The following MYOF variants were observed in gnomAD, a reference collection of about 807,000 sequenced individuals.
MYOF encodes the protein myoferlin.
Under a neutral mutation model 284.2 loss-of-function variants are expected in MYOF, and 244 were observed. That is an observed-to-expected ratio of 0.86 (90% CI 0.77 to 0.95). The LOEUF is 0.95. Ranked by LOEUF, MYOF falls within the 40% of genes least tolerant of loss-of-function variation. The pLI is 0.00. For missense variants in MYOF, 2,496 were observed against 2,560.6 expected (o/e 0.97, Z 0.54); for synonymous variants, 904 against 919.7 (o/e 0.98, Z 0.31).
chr10:93,458,244 T>A (rs960616740), intron 1 of MYOF, among the ~76,000 whole-genome samples: 4 of 152,064 alleles, frequency 2.6e-5, no homozygotes, highest in Non-Finnish European at 5.9e-5. Context: ...TTCCAGCTAC[T>A]CAGGAGGCTG....
At chr10:93,336,145 G>C (rs1442143960) in intron 40 of MYOF, 99 bp from the exon 41 acceptor site, 2 of 1,366,454 alleles carry the variant, frequency 1.5e-6, no homozygotes, top group African/African-American at 2.9e-5. Flanking sequence ...GGTTGTGGAT[G>C]GGGCGACCGG....
At chr10:93,473,605 A>G (rs1305523974) in intron 1 of MYOF, among the ~76,000 whole-genome samples, 1 of 152,218 alleles carries the variant, frequency 6.6e-6, no homozygotes, top group African/African-American at 2.4e-5. Flanking sequence ...CTGGGAAATG[A>G]GGAGAGGGGA....
chr10:93,319,423 G>A (rs1483418390), intron 49 of MYOF, among the ~76,000 whole-genome samples: 1 of 152,152 alleles, frequency 6.6e-6, no homozygotes, highest in Non-Finnish European at 1.5e-5. Flanking sequence ...TTAAGACCAG[G>A]AGGGCCCTGA....
At chr10:93,342,366 G>A (rs148203355) in intron 38 of MYOF, among the ~76,000 whole-genome samples, 9 of 152,178 alleles carry the variant, frequency 5.9e-5, no homozygotes, top group African/African-American at 1.4e-4. Context: ...ACAGATGTGC[G>A]ATGTCTACTG....
intron 1 of MYOF, among the ~76,000 whole-genome samples, chr10:93,480,158 C>CA (rs1233157608): frequency 6.6e-6 from 1 of 151,982 alleles, no homozygotes; most frequent in Non-Finnish European, 1.5e-5. Context: ...TTCAAGAAAA[C>CA]AAAAAATTAA....
At chr10:93,366,760 T>G (rs1322803248) in intron 25 of MYOF, among the ~76,000 whole-genome samples, 1 of 152,192 alleles carries the variant, frequency 6.6e-6, no homozygotes, top group Non-Finnish European at 1.5e-5. Context: ...TAGGACTCAG[T>G]GTTCTCATCT....
intron 36 of MYOF, 25 bp downstream of exon 36, chr10:93,349,783 T>C: frequency 6.2e-7 from 1 of 1,612,440 alleles, no homozygotes; most frequent in Non-Finnish European, 8.5e-7. Context: ...CGCGCATGGG[T>C]GATCACAGAG....
intron 19 of MYOF, among the ~76,000 whole-genome samples, chr10:93,384,406 G>A (rs1329749683): frequency 3.3e-5 from 5 of 152,232 alleles, no homozygotes; most frequent in African/African-American, 7.2e-5. Flanking sequence ...TTGGGAGGCC[G>A]AGGCTGGCGG....
At chr10:93,360,056 G>A (rs1844996489) in intron 28 of MYOF, 78 bp from the exon 29 acceptor site, 5 of 1,537,312 alleles carry the variant, frequency 3.3e-6, no homozygotes, top group African/African-American at 2.7e-5. Context: ...GGAAACATTT[G>A]TTCACTCTCC....
chr10:93,407,737 C>A (rs1425166141), intron 7 of MYOF, among the ~76,000 whole-genome samples: 319 of 94,996 alleles, frequency 3.4e-3, no homozygotes, highest in East Asian at 8.8e-3. Context: ...GACTCTGTCT[C>A]AAAAAAAAAA....
chr10:93,336,094 G>A (rs1420549043), intron 40 of MYOF, 48 bp from the exon 41 acceptor site: 2 of 1,592,736 alleles, frequency 1.3e-6, no homozygotes, highest in African/African-American at 2.7e-5. Flanking sequence ...ATGCAGGTAA[G>A]GTCTAAAATC....
chr10:93,428,769 A>G (rs943540437), intron 4 of MYOF, among the ~76,000 whole-genome samples: 8 of 152,330 alleles, frequency 5.3e-5, no homozygotes, highest in Non-Finnish European at 7.4e-5. Flanking sequence ...TCATAAGAGC[A>G]GCATCTCATG....
chr10:93,312,295 T>G (rs2133714758), intron 51 of MYOF, among the ~76,000 whole-genome samples: 1 of 152,270 alleles, frequency 6.6e-6, no homozygotes, highest in African/African-American at 2.4e-5. Context: ...ATTTATGGCC[T>G]TCTTATTCAA....
At chr10:93,480,391 AAAATTTTTTT>A (rs2057359938) in intron 1 of MYOF, among the ~76,000 whole-genome samples, 1 of 152,056 alleles carries the variant, frequency 6.6e-6, no homozygotes, top group Non-Finnish European at 1.5e-5. Flanking sequence ...CTTATTCAAA[AAAATTTTTTT>A]AAATTTTTTT....
Position 93,336,005 on chromosome 10 carries a change from G to A in MYOF, c.4479C>T (p.Gly1493=). The A allele has an allele frequency of 1.2e-6, 2 of 1,614,040 alleles. No homozygotes were observed. Among genetic ancestry groups the A allele is most frequent in the Non-Finnish European group, 1.7e-6 (2 of 1,179,970 alleles). Residue 1493 remains glycine (G), a synonymous_variant, in exon 41 of 54, where the codon GGC becomes GGT. Coordinates refer to ENST00000359263, the MANE Select transcript of MYOF (RefSeq NM_013451.4). ...CELENVAEFE[G]LTDFSDTFKL... ...TGAACGTATCTGAGAAGTCTGTCAG[G>A]CCCTCAAATTCTGCTACATTTTCTA...
chr10:93,338,009 T>C, intron 39 of MYOF, 96 bp from the exon 40 acceptor site: 1 of 883,660 alleles, frequency 1.1e-6, no homozygotes, highest in Non-Finnish European at 1.9e-6. Flanking sequence ...AGAAATAGGT[T>C]CTTCTGACCC....
chr10:93,394,526 T>A (rs528263076), intron 16 of MYOF, among the ~76,000 whole-genome samples: 1 of 134,288 alleles, frequency 7.4e-6, no homozygotes, highest in South Asian at 2.7e-4. Context: ...AGTGGCGCGA[T>A]CTCGGCTCAC....
At chr10:93,380,423 T>C (rs369090477) in intron 20 of MYOF, among the ~76,000 whole-genome samples, 6 of 152,206 alleles carry the variant, frequency 3.9e-5, no homozygotes, top group African/African-American at 1.4e-4. Context: ...GCTGGCTACA[T>C]AGGGTTTGGT....
At chr10:93,426,034 C>T in intron 5 of MYOF, 37 bp downstream of exon 5, 1 of 1,542,266 alleles carries the variant, frequency 6.5e-7, no homozygotes, top group Non-Finnish European at 8.8e-7. Flanking sequence ...GCAGCCTCCC[C>T]CTGGGGGTGG....
Sources: gnomAD v4.1 joint callset for allele counts (sites outside exome capture counted in the v4.1 genomes callset) on GRCh38, gnomAD v4.1.1 for gene constraint, MANE v1.5 for transcripts, NCBI Gene and HGNC (gene_info 2026-07-23, HGNC 2026-07-21) for gene names.